Variants in NTM observed in about 807,000 individuals in gnomAD.
NTM encodes the protein IgLON family member 2.
In NTM, 13 loss-of-function variants were observed where a neutral mutation model predicts 42.1. That is an observed-to-expected ratio of 0.31 (90% CI 0.20 to 0.49). The LOEUF (loss-of-function observed/expected upper bound fraction) is 0.49, where lower values mean the gene tolerates loss of function less well. NTM is among the 20% of genes least tolerant of loss of function. NTM has a pLI of 0.99. For missense variants in NTM, 373 were observed against 452.8 expected, an observed-to-expected ratio of 0.82 and a Z score of 1.60; for synonymous variants, 187 against 179.2, an observed-to-expected ratio of 1.04 and a Z score of -0.35.
chr11:131,955,037 C>T lies in NTM; in HGVS notation c.167+43389C>T, dbSNP rs147595285. 3.7e-3 allele frequency among the ~76,000 whole-genome samples: 561 copies of T among 152,212 alleles called. 4 individuals are homozygous for T. The highest frequency in any genetic ancestry group is 0.013 in the African/African-American group (524 of 41,528). On this transcript the variant is annotated intron_variant, in intron 2 of 8. Transcript: ENST00000683400. ...GATGAACATCCTCATTGTCTTTATTCACAAGCATGATTACCTCCTTAGGAT... is the reference window on the plus strand; with the variant it reads ...GATGAACATCCTCATTGTCTTTATTTACAAGCATGATTACCTCCTTAGGAT...
At chr11:131,517,106 G>T (rs1319431454) in intron 1 of NTM, among the ~76,000 whole-genome samples, 1 of 152,166 alleles carries the variant, frequency 6.6e-6, no homozygotes, top group African/African-American at 2.4e-5. Flanking sequence ...AATCTTTTTG[G>T]TGTGATCACA....
intron 3 of NTM, among the ~76,000 whole-genome samples, chr11:132,197,628 C>G (rs552782099): frequency 5.4e-5 from 8 of 148,726 alleles, no homozygotes; most frequent in African/African-American, 2.0e-4. Flanking sequence ...AGGTATATCT[C>G]CTAATGCTAT....
At chr11:131,610,483 C>T (rs909508421) in intron 1 of NTM, among the ~76,000 whole-genome samples, 2 of 152,094 alleles carry the variant, frequency 1.3e-5, no homozygotes, top group Non-Finnish European at 2.9e-5. Context: ...GCTGGGCAGG[C>T]GAGATCCACA....
At chr11:132,125,463 AGT>A (rs1457417617) in intron 2 of NTM, among the ~76,000 whole-genome samples, 2 of 86,262 alleles carry the variant, frequency 2.3e-5, no homozygotes, top group African/African-American at 9.5e-5. Context: ...TGTGGTGTGT[AGT>A]GTGTGGTGTG....
chr11:131,785,428 C>G (rs760830098), intron 1 of NTM, among the ~76,000 whole-genome samples: 2 of 152,126 alleles, frequency 1.3e-5, no homozygotes, highest in Non-Finnish European at 2.9e-5. Context: ...TCTAAATGTC[C>G]GAGAAAGCTA....
At chr11:131,749,607 G>A (rs1226567584) in intron 1 of NTM, among the ~76,000 whole-genome samples, 10 of 152,016 alleles carry the variant, frequency 6.6e-5, no homozygotes, top group Admixed American at 6.6e-4. Context: ...GTTTTCTTTT[G>A]TTTTGTTTGA....
intron 4 of NTM, among the ~76,000 whole-genome samples, chr11:132,292,787 T>TAAAAAAA (rs61603794): frequency 4.2e-4 from 24 of 56,552 alleles, no homozygotes; most frequent in African/African-American, 9.9e-4. Context: ...GATGTAAAAG[T>TAAAAAAA]AAAAAAAAAA....
intron 2 of NTM, among the ~76,000 whole-genome samples, chr11:132,142,213 T>C (rs1017987961): frequency 7.2e-5 from 11 of 152,224 alleles, no homozygotes; most frequent in Non-Finnish European, 1.6e-4. Context: ...CTATGTTACA[T>C]TGACTTGTGA....
intron 1 of NTM, among the ~76,000 whole-genome samples, chr11:131,576,286 C>G (rs1592101338): frequency 6.6e-6 from 1 of 152,192 alleles, no homozygotes; most frequent in African/African-American, 2.4e-5. Flanking sequence ...CAAGAGGAAA[C>G]AGCAGGATGT....
At chr11:131,754,507 C>T (rs1162967938) in intron 1 of NTM, among the ~76,000 whole-genome samples, 1 of 152,042 alleles carries the variant, frequency 6.6e-6, no homozygotes, top group African/African-American at 2.4e-5. Context: ...TATCTGTAAT[C>T]CCAGCTACTT....
intron 2 of NTM, among the ~76,000 whole-genome samples, chr11:132,049,498 G>T (rs1294586861): frequency 6.6e-6 from 1 of 152,196 alleles, no homozygotes; most frequent in Non-Finnish European, 1.5e-5. Flanking sequence ...CTTCTAGTGA[G>T]CAGAGGATCA....
chr11:132,040,146 G>A (rs1042525602), intron 2 of NTM, among the ~76,000 whole-genome samples: 13 of 152,218 alleles, frequency 8.5e-5, no homozygotes, highest in South Asian at 2.1e-4. Flanking sequence ...ATGTTGCCCC[G>A]GCTGGTCTCG....
At chr11:131,489,247 G>T (rs1375464628) in intron 1 of NTM, among the ~76,000 whole-genome samples, 3 of 152,132 alleles carry the variant, frequency 2.0e-5, no homozygotes, top group African/African-American at 4.8e-5. Flanking sequence ...AATGGCCCAT[G>T]TTTGCAGCTG....
intron 2 of NTM, among the ~76,000 whole-genome samples, chr11:131,997,786 G>T (rs1364433569): frequency 6.6e-6 from 1 of 152,148 alleles, no homozygotes; most frequent in African/African-American, 2.4e-5. Flanking sequence ...TCCAATGAAG[G>T]TGGCATTTGC....
chr11:131,979,004 A>G (rs1182999832), intron 2 of NTM, among the ~76,000 whole-genome samples: 2 of 152,122 alleles, frequency 1.3e-5, no homozygotes, highest in Non-Finnish European at 2.9e-5. Flanking sequence ...AAGTGAGGGT[A>G]CAGAGCCTCC....
At chr11:132,063,588 C>G (rs1015054) in intron 2 of NTM, among the ~76,000 whole-genome samples, 62,411 of 152,124 alleles carry the variant, frequency 0.41, 13,261 homozygotes, top group South Asian at 0.5. Context: ...AATCGTGTGT[C>G]TCCCCACCCT....
At chr11:131,657,691 A>C (rs1257702115) in intron 1 of NTM, among the ~76,000 whole-genome samples, 1 of 152,236 alleles carries the variant, frequency 6.6e-6, no homozygotes, top group East Asian at 1.9e-4. Flanking sequence ...GAATCCCAGC[A>C]CTATCTCAGC....
intron 1 of NTM, among the ~76,000 whole-genome samples, chr11:131,571,594 T>C (rs2057444756): frequency 6.6e-6 from 1 of 152,240 alleles, no homozygotes; most frequent in Non-Finnish European, 1.5e-5. Context: ...TCTCACAGGC[T>C]GCCTCTTGGC....
chr11:132,052,773 CTGTGTG>C (rs5795753), intron 2 of NTM, among the ~76,000 whole-genome samples: 101 of 148,374 alleles, frequency 6.8e-4, no homozygotes, highest in Admixed American at 1.9e-3. Flanking sequence ...TCCAGGCTCA[CTGTGTG>C]TGTGTGTGTG....
Sources: allele counts gnomAD v4.1 joint callset (sites outside exome capture counted in the v4.1 genomes callset), GRCh38; gene constraint gnomAD v4.1.1; transcripts MANE v1.5; gene names NCBI Gene and HGNC (gene_info 2026-07-23, HGNC 2026-07-21).